RELN: variants seen among roughly 807,000 people sequenced by gnomAD.
RELN encodes the protein reelin.
RELN carries 108 observed loss-of-function variants against 427.6 expected under a neutral mutation model. The observed-to-expected ratio is 0.25, with a 90% CI of 0.22 to 0.30. RELN has a LOEUF of 0.30. RELN is among the 10% of genes least tolerant of loss of function. The pLI, the probability that RELN is intolerant of heterozygous loss-of-function variation, is 1.00. For missense variants in RELN, 3,715 were observed against 4,302.8 expected, an observed-to-expected ratio of 0.86 and a Z score of 3.82; for synonymous variants, 1,524 against 1,513.4, an observed-to-expected ratio of 1.01 and a Z score of -0.16.
chr7:103,511,285 A>G (rs773613878), intron 50 of RELN, among the ~76,000 whole-genome samples: 2 of 152,214 alleles, frequency 1.3e-5, no homozygotes, highest in Non-Finnish European at 2.9e-5. Context: ...GAAAATCAAA[A>G]GGAAATAACT....
chr7:103,924,306 T>C (rs997662861), intron 1 of RELN, among the ~76,000 whole-genome samples: 3 of 152,208 alleles, frequency 2.0e-5, no homozygotes, highest in African/African-American at 4.8e-5. Context: ...TTTTTCATTT[T>C]ATATGGATCT....
intron 41 of RELN, among the ~76,000 whole-genome samples, chr7:103,546,020 T>C (rs563367538): frequency 2.0e-4 from 30 of 152,314 alleles, no homozygotes; most frequent in Non-Finnish European, 4.4e-5. Flanking sequence ...GATTAAGCAT[T>C]AACCATTTAA....
chr7:103,890,282 A>C (rs557442718), intron 2 of RELN, among the ~76,000 whole-genome samples: 1 of 152,030 alleles, frequency 6.6e-6, no homozygotes, highest in East Asian at 1.9e-4. Context: ...CAATGTGTCC[A>C]TCAGACTGTA....
intron 1 of RELN, among the ~76,000 whole-genome samples, chr7:103,936,735 G>C (rs62487050): frequency 1.0e-5 from 1 of 96,332 alleles, no homozygotes; most frequent in South Asian, 4.1e-4. Context: ...CAGACAGACA[G>C]ACAGACAGAC....
rs1227147248 is a variant in RELN, at chr7:103,682,064, T to G, written c.1289+52A>C. On this transcript the variant is annotated intron_variant, in intron 11 of 64. Coordinates refer to ENST00000428762, the MANE Select transcript of RELN (RefSeq NM_005045.4). ...CAATATGCATTTAAAACACGTCCAG[T>G]AGAATAAATGTAAGTGCTACATACA... 46 of 1,547,708 alleles carry G rather than the reference T, an allele frequency of 3.0e-5. 1 individual carries two copies. The highest frequency in any genetic ancestry group is 3.9e-5 in the Non-Finnish European group (44 of 1,119,666).
chr7:103,566,825 T>A, intron 31 of RELN, 66 bp from the exon 32 acceptor site: 1 of 1,511,352 alleles, frequency 6.6e-7, no homozygotes. Context: ...CAGTATTTCT[T>A]AAATGGTGAG....
At chr7:103,627,645 T>C (rs1398172710) in intron 20 of RELN, among the ~76,000 whole-genome samples, 1 of 152,228 alleles carries the variant, frequency 6.6e-6, no homozygotes, top group Admixed American at 6.5e-5. Context: ...AGACAACTCC[T>C]TTTTGCTTCA....
At chr7:103,894,193 T>C (rs559522909) in intron 2 of RELN, among the ~76,000 whole-genome samples, 3 of 152,322 alleles carry the variant, frequency 2.0e-5, no homozygotes, top group African/African-American at 4.8e-5. Context: ...TACCACATGT[T>C]CTACCACCTC....
chr7:103,944,360 A>C (rs1796177821), intron 1 of RELN, among the ~76,000 whole-genome samples: 1 of 152,180 alleles, frequency 6.6e-6, no homozygotes, highest in Admixed American at 6.5e-5. Flanking sequence ...ACACTCTGAC[A>C]CCGTGTTCTC....
rs71154374 is a variant in RELN, at chr7:103,826,320, ATGTG to A, written c.473+7213_473+7216del. Among the ~76,000 whole-genome samples, 842 of 122,072 alleles carry A rather than the reference ATGTG, an allele frequency of 6.9e-3. 3 individuals are homozygous for A. Among genetic ancestry groups the A allele is most frequent in the African/African-American group, 0.011 (411 of 35,942 alleles). 80.1% of individuals were successfully genotyped at this position (122,072 alleles called of 152,430 possible). A position where few individuals can be genotyped will look rare whatever the true frequency, so the allele number is the denominator to read the frequency against. On this transcript the variant is annotated intron_variant, in intron 3 of 64. Transcript: ENST00000428762. ...CAGAAGCACAAAACAGACTAAGACAATGTGTGTGTGTGTGTGTGTGTGTGTGTGT... is the reference window on the plus strand; with the variant it reads ...CAGAAGCACAAAACAGACTAAGACAATGTGTGTGTGTGTGTGTGTGTGTGT...
At chr7:103,532,576 A>G (rs1293687593) in intron 46 of RELN, among the ~76,000 whole-genome samples, 1 of 152,074 alleles carries the variant, frequency 6.6e-6, no homozygotes, top group Non-Finnish European at 1.5e-5. Flanking sequence ...TCTTTAATAC[A>G]ACCTACAATG....
At position 103,978,816 on chromosome 7, in the gene RELN, T is replaced by C. The variant is rs183435639; in HGVS notation, c.226+10315A>G. Among the ~76,000 whole-genome samples the C allele has an allele frequency of 1.9e-3, 286 of 152,326 alleles. 1 individual carries two copies. Among genetic ancestry groups the C allele is most frequent in the Middle Eastern group, 3.4e-3 (1 of 294 alleles). Reference sequence around the variant, plus strand: ...CTGTTAACAGTCTGGCATAAACCACTTACATTTGAAATAAAAATTCTAAAA... The same window carrying C: ...CTGTTAACAGTCTGGCATAAACCACCTACATTTGAAATAAAAATTCTAAAA... On this transcript the variant is annotated intron_variant, in intron 1 of 64. Coordinates refer to ENST00000428762, the MANE Select transcript of RELN (RefSeq NM_005045.4).
At chr7:103,739,620 A>C (rs1427619386) in intron 6 of RELN, among the ~76,000 whole-genome samples, 1 of 152,208 alleles carries the variant, frequency 6.6e-6, no homozygotes, top group Non-Finnish European at 1.5e-5. Flanking sequence ...CTTCATTCTC[A>C]TCAAGGTTGA....
At chr7:103,880,476 A>G (rs2116557961) in intron 2 of RELN, among the ~76,000 whole-genome samples, 1 of 152,238 alleles carries the variant, frequency 6.6e-6, no homozygotes, top group Admixed American at 6.5e-5. Flanking sequence ...TGTCCAGTTC[A>G]TTTGTCTAAA....
chr7:103,637,215 C>T (rs1470832793), intron 17 of RELN, among the ~76,000 whole-genome samples: 1 of 152,146 alleles, frequency 6.6e-6, no homozygotes, highest in Non-Finnish European at 1.5e-5. Context: ...GAAACATCTA[C>T]GTTTTAAGGA....
chr7:103,566,646 C>T lies in RELN; in HGVS notation c.4702G>A (p.Ala1568Thr), dbSNP rs561708074. ...CGAAATGCCGTTGCAGGTGTCTTCG[C>T]GTCCTGTGGCAGGTCAATGGAAATG... ...QIISIDLPQDAKTPATAFRWW... is the reference protein window; with the variant it reads ...QIISIDLPQDTKTPATAFRWW... The change falls in exon 32 of 65, where the codon GCG (alanine) becomes ACG (threonine). Residue 1568 changes from alanine to threonine, a missense_variant. Physicochemically the swap from Ala to Thr is moderately conservative, Grantham distance 58. This residue lies in a region of RELN where 2,208 missense variants were observed against 2,361.7 expected (regional missense o/e 0.93). Transcript: ENST00000428762. The T allele has an allele frequency of 2.1e-5, 34 of 1,614,138 alleles. 2 individuals are homozygous for T. The South Asian group carries it at 3.0e-4, about 14-fold the overall frequency.
intron 2 of RELN, among the ~76,000 whole-genome samples, chr7:103,860,046 T>C (rs943782118): frequency 6.6e-6 from 1 of 152,200 alleles, no homozygotes; most frequent in Non-Finnish European, 1.5e-5. Flanking sequence ...TTACTTCTTT[T>C]ATTGGCGTTA....
intron 2 of RELN, among the ~76,000 whole-genome samples, chr7:103,865,107 C>T (rs1049212567): frequency 8.3e-6 from 1 of 119,994 alleles, no homozygotes; most frequent in Non-Finnish European, 1.6e-5. Context: ...GTACTCCAAA[C>T]TGGCCAACAA....
intron 12 of RELN, among the ~76,000 whole-genome samples, chr7:103,660,697 A>T (rs1261654168): frequency 6.6e-6 from 1 of 152,170 alleles, no homozygotes; most frequent in African/African-American, 2.4e-5. Flanking sequence ...CAGTCACTCA[A>T]CAAAGAAGGC....
Sources: allele counts gnomAD v4.1 joint callset (sites outside exome capture counted in the v4.1 genomes callset), GRCh38; gene constraint gnomAD v4.1.1; regional missense constraint gnomAD v4.1.1; transcripts MANE v1.5; gene names NCBI Gene and HGNC (gene_info 2026-07-23, HGNC 2026-07-21).